LRP1B: variants seen among roughly 807,000 people sequenced by gnomAD.
LRP1B encodes LDL receptor related protein 1B.
In LRP1B, 217 loss-of-function variants were observed where a neutral mutation model predicts 556.6. The ratio of observed to expected loss-of-function variants is 0.39; its 90% confidence interval spans 0.35 to 0.44. The LOEUF is 0.44. LRP1B is among the 20% of genes least tolerant of loss of function. LRP1B has a pLI of 1.00. For missense variants in LRP1B, 5,053 were observed against 5,620.8 expected, an observed-to-expected ratio of 0.90 and a Z score of 3.23; for synonymous variants, 2,047 against 1,865.8, an observed-to-expected ratio of 1.10 and a Z score of -2.50.
intron 1 of LRP1B, among the ~76,000 whole-genome samples, chr2:141,878,685 T>G (rs1415895135): frequency 6.6e-6 from 1 of 152,010 alleles, no homozygotes; most frequent in Non-Finnish European, 1.5e-5. Context: ...TCCTTATTAA[T>G]GAACAATTTA....
intron 3 of LRP1B, among the ~76,000 whole-genome samples, chr2:141,375,993 C>T (rs1186498026): frequency 6.6e-6 from 1 of 152,134 alleles, no homozygotes; most frequent in Non-Finnish European, 1.5e-5. Flanking sequence ...GTCGGGAGAG[C>T]AGCCCACTCA....
At chr2:141,619,155 C>T (rs1260285464) in intron 2 of LRP1B, among the ~76,000 whole-genome samples, 2 of 152,166 alleles carry the variant, frequency 1.3e-5, no homozygotes, top group African/African-American at 2.4e-5. Context: ...CCCACCTCAA[C>T]CTGCTTTTCT....
intron 33 of LRP1B, 90 bp from the exon 34 acceptor site, chr2:140,771,096 T>C (rs1228676886): frequency 5.8e-6 from 5 of 861,826 alleles, no homozygotes; most frequent in East Asian, 3.0e-5. Flanking sequence ...CAAATATGTA[T>C]GCTATTGATT....
At chr2:141,258,948 T>C (rs1267428036) in intron 3 of LRP1B, among the ~76,000 whole-genome samples, 1 of 152,178 alleles carries the variant, frequency 6.6e-6, no homozygotes, top group Non-Finnish European at 1.5e-5. Flanking sequence ...CAGGTAGTTC[T>C]TTATTGCAAT....
intron 12 of LRP1B, among the ~76,000 whole-genome samples, chr2:141,017,312 T>C (rs77721657): frequency 0.015 from 2,294 of 152,056 alleles, 28 homozygotes; most frequent in South Asian, 0.074. Flanking sequence ...TTCCTGAAAT[T>C]TTCTTATATA....
chr2:140,313,557 A>C (rs1210464957), intron 83 of LRP1B, among the ~76,000 whole-genome samples: 1 of 151,940 alleles, frequency 6.6e-6, no homozygotes, highest in Non-Finnish European at 1.5e-5. Context: ...ATAAATATAG[A>C]TAAATCATCC....
intron 41 of LRP1B, among the ~76,000 whole-genome samples, chr2:140,621,384 CAAAA>C (rs61045975): frequency 9.3e-6 from 1 of 106,994 alleles, no homozygotes; most frequent in Non-Finnish European, 1.8e-5. Context: ...GACTCTGTCT[CAAAA>C]AAAAAAAAAA....
At chr2:140,556,584 T>C (rs756501171) in intron 43 of LRP1B, among the ~76,000 whole-genome samples, 5 of 152,122 alleles carry the variant, frequency 3.3e-5, no homozygotes, top group Admixed American at 6.6e-5. Flanking sequence ...AATAAACTTA[T>C]ATGCTGTTCT....
intron 2 of LRP1B, among the ~76,000 whole-genome samples, chr2:141,774,571 A>G (rs1332128571): frequency 6.6e-6 from 1 of 152,186 alleles, no homozygotes; most frequent in Admixed American, 6.5e-5. Context: ...AAGGAAACCA[A>G]TATGCAAACA....
At chr2:142,090,473 G>T (rs1172808141) in intron 1 of LRP1B, among the ~76,000 whole-genome samples, 1 of 152,052 alleles carries the variant, frequency 6.6e-6, no homozygotes, top group African/African-American at 2.4e-5. Flanking sequence ...TGTGGGTACA[G>T]AGATGAAAAT....
At chr2:141,437,903 T>C (rs1037299329) in intron 3 of LRP1B, among the ~76,000 whole-genome samples, 1 of 152,152 alleles carries the variant, frequency 6.6e-6, no homozygotes, top group African/African-American at 2.4e-5. Flanking sequence ...TTTACATGTG[T>C]CCTTAATGAG....
At chr2:140,416,656 A>T (rs1300417930) in intron 66 of LRP1B, among the ~76,000 whole-genome samples, 2 of 151,948 alleles carry the variant, frequency 1.3e-5, no homozygotes, top group Non-Finnish European at 2.9e-5. Flanking sequence ...CTCTGTCTAA[A>T]AAAAAAAACC....
chr2:140,867,707 T>A lies in LRP1B; in HGVS notation c.4462A>T (p.Arg1488Trp). ...YGSEVYWTDW[R>W]TNTLSKANKW... is the part of the protein sequence containing the mutation. ...TTGGCTTTGGACAATGTGTTGGTCC[T>A]CCAGTCTGTCCAGTAGACTTCACTC... is the stretch of plus-strand genomic sequence containing the variant. The change falls in exon 27 of 91, where the codon AGG becomes TGG. Residue 1488 changes from arginine (R) to tryptophan (W), a missense_variant. By Grantham distance (101) the Arg-to-Trp change is moderately radical (BLOSUM62 -3). This residue lies in a region of LRP1B where 3,619 missense variants were observed against 3,931.9 expected (regional missense o/e 0.92). Coordinates refer to ENST00000389484, the MANE Select transcript of LRP1B (RefSeq NM_018557.3). 1 of 1,613,472 alleles carries A rather than the reference T, an allele frequency of 6.2e-7. No individual in the cohort carries two copies. Among genetic ancestry groups the A allele is most frequent in the Non-Finnish European group, 8.5e-7 (1 of 1,179,634 alleles).
intron 35 of LRP1B, among the ~76,000 whole-genome samples, chr2:140,766,920 A>G (rs948217939): frequency 3.4e-5 from 5 of 148,912 alleles, no homozygotes; most frequent in African/African-American, 1.2e-4. Flanking sequence ...CTTATTTGAT[A>G]TTTTTGTTAC....
At chr2:141,250,151 C>A (rs1214140119) in intron 4 of LRP1B, among the ~76,000 whole-genome samples, 1 of 152,170 alleles carries the variant, frequency 6.6e-6, no homozygotes, top group Non-Finnish European at 1.5e-5. Context: ...GTGCTTGGCA[C>A]AGAGCTCCTA....
chr2:140,555,609 T>A (rs1234538340), intron 43 of LRP1B, among the ~76,000 whole-genome samples: 1 of 152,104 alleles, frequency 6.6e-6, no homozygotes, highest in African/African-American at 2.4e-5. Context: ...AATAAGTTGG[T>A]TTAGACCTGT....
intron 2 of LRP1B, among the ~76,000 whole-genome samples, chr2:141,788,077 G>A (rs1197638451): frequency 1.3e-5 from 2 of 151,976 alleles, no homozygotes; most frequent in East Asian, 1.9e-4. Flanking sequence ...TGAGATAGAA[G>A]TAAGCTTTCC....
At chr2:141,236,075 T>C (rs1330931002) in intron 5 of LRP1B, among the ~76,000 whole-genome samples, 1 of 152,134 alleles carries the variant, frequency 6.6e-6, no homozygotes. Context: ...GGGTAAAATA[T>C]AGTGAGAAAG....
chr2:140,480,007 C>G (rs899155077), intron 59 of LRP1B, among the ~76,000 whole-genome samples: 1 of 152,280 alleles, frequency 6.6e-6, no homozygotes, highest in Admixed American at 6.5e-5. Flanking sequence ...CTGTGTACAT[C>G]TAGTTACTCA....
Sources: allele counts gnomAD v4.1 joint callset (sites outside exome capture counted in the v4.1 genomes callset), GRCh38; gene constraint gnomAD v4.1.1; regional missense constraint gnomAD v4.1.1; transcripts MANE v1.5; gene names NCBI Gene and HGNC (gene_info 2026-07-23, HGNC 2026-07-21).